Variants in WDR25 observed in about 807,000 individuals in gnomAD.
WDR25 encodes WD repeat domain 25.
WDR25 carries 35 observed loss-of-function variants against 47.7 expected under a neutral mutation model. The observed-to-expected ratio is 0.73, with a 90% CI of 0.56 to 0.97. The LOEUF is 0.97. WDR25 is among the 50% of genes least tolerant of loss of function. The pLI is 0.00. For synonymous variants in WDR25, 248 were observed against 278.9 expected, an observed-to-expected ratio of 0.89 and a Z score of 1.10; for missense variants, 634 against 704.7, an observed-to-expected ratio of 0.90 and a Z score of 1.14.
At chr14:100,453,303 A>T (rs1032049969) in intron 2 of WDR25, among the ~76,000 whole-genome samples, 9 of 152,254 alleles carry the variant, frequency 5.9e-5, no homozygotes, top group African/African-American at 2.2e-4. Flanking sequence ...CTTTCGAGCC[A>T]GAGTGCCTTG....
chr14:100,429,382 G>A (rs181446464), intron 2 of WDR25, among the ~76,000 whole-genome samples: 22 of 152,296 alleles, frequency 1.4e-4, no homozygotes, highest in African/African-American at 5.1e-4. Flanking sequence ...AGAAAGAGGA[G>A]AAGAAGTTGC....
Position 100,382,139 on chromosome 14 carries a change from G to A in WDR25, c.822+393G>A, listed in dbSNP as rs376577969. On this transcript the variant is annotated intron_variant, in intron 2 of 6. Coordinates refer to ENST00000402312, the MANE Select transcript of WDR25 (RefSeq NM_001161476.3). ...GCCTGGTGCTGTGCTGGTTTCAAGG[G>A]CTGTTGGGAGAGGTAGGTAGACCCA... 6 of 702,954 alleles carry A rather than the reference G, an allele frequency of 8.5e-6. No homozygotes were observed. In the African/African-American group the frequency reaches 8.7e-5, roughly 10 times the overall value. The allele number at this position is 702,954 out of a possible 1,614,324, so 43.5% of individuals were successfully genotyped here.
intron 2 of WDR25, among the ~76,000 whole-genome samples, chr14:100,453,253 T>C (rs868802093): frequency 2.0e-5 from 3 of 152,116 alleles, no homozygotes; most frequent in Admixed American, 6.6e-5. Context: ...GTATTGCAGG[T>C]GGGAGGTAGA....
At chr14:100,451,745 G>A (rs1335658415) in intron 2 of WDR25, among the ~76,000 whole-genome samples, 2 of 152,124 alleles carry the variant, frequency 1.3e-5, no homozygotes, top group Admixed American at 1.3e-4. Flanking sequence ...GAGATAAAGA[G>A]GTCATACAGT....
chr14:100,478,115 A>AAACC (rs141134731), intron 3 of WDR25, among the ~76,000 whole-genome samples: 1 of 151,292 alleles, frequency 6.6e-6, no homozygotes, highest in African/African-American at 2.4e-5. Flanking sequence ...AAACAAAACA[A>AAACC]AAACAAACAA....
Position 100,430,397 on chromosome 14 carries a change from G to A in WDR25, c.823-37624G>A, listed in dbSNP as rs768831891. ...TACTGGGGCCATATACCATGAAGCC[G>A]AAATTCCTAGTCTGTTTATTCATAA... On this transcript the variant is annotated intron_variant, in intron 2 of 6. Coordinates refer to ENST00000402312, the MANE Select transcript of WDR25 (RefSeq NM_001161476.3). This position sits in a 1 kb window ranked among gnomAD's most constrained non-coding sequence, Gnocchi z 4.7. Among the ~76,000 whole-genome samples, 2 of 152,154 alleles carry A rather than the reference G, an allele frequency of 1.3e-5. No individual in the cohort carries two copies. Among genetic ancestry groups the A allele is most frequent in the South Asian group, 2.1e-4 (1 of 4,832 alleles).
At chr14:100,438,096 A>T (rs1267143091) in intron 2 of WDR25, among the ~76,000 whole-genome samples, 1 of 152,204 alleles carries the variant, frequency 6.6e-6, no homozygotes, top group Non-Finnish European at 1.5e-5. Context: ...TCTCATGATT[A>T]TGTAAATATT....
intron 2 of WDR25, among the ~76,000 whole-genome samples, chr14:100,387,737 C>G (rs1897050272): frequency 6.6e-6 from 1 of 152,236 alleles, no homozygotes; most frequent in African/African-American, 2.4e-5. Context: ...AGAGCCTGAG[C>G]AGAAAGAGCT....
At chr14:100,487,047 C>T (rs751109444) in intron 4 of WDR25, among the ~76,000 whole-genome samples, 18 of 151,930 alleles carry the variant, frequency 1.2e-4, no homozygotes, top group Non-Finnish European at 1.9e-4. Context: ...TATTTGTATA[C>T]GCAATTTTGT....
chr14:100,429,695 A>C (rs1250389502), intron 2 of WDR25, among the ~76,000 whole-genome samples: 2 of 152,184 alleles, frequency 1.3e-5, no homozygotes, highest in Non-Finnish European at 2.9e-5. Context: ...TCCAAGGTCC[A>C]GGATCAGCCA....
chr14:100,446,915 G>T (rs903794562), intron 2 of WDR25, among the ~76,000 whole-genome samples: 1 of 152,132 alleles, frequency 6.6e-6, no homozygotes. Flanking sequence ...GAAAATTATC[G>T]TCTGTGGCCA....
intron 2 of WDR25, among the ~76,000 whole-genome samples, chr14:100,431,318 C>T (rs1274240861): frequency 6.6e-6 from 1 of 152,048 alleles, no homozygotes. Context: ...CTTTAATTCC[C>T]TAGTTAACCG....
At position 100,436,686 on chromosome 14, in the gene WDR25, G is replaced by T. The variant is rs377742800; in HGVS notation, c.823-31335G>T. Among the ~76,000 whole-genome samples the T allele has an allele frequency of 1.2e-3, 176 of 152,316 alleles. 1 individual carries two copies. The highest frequency in any genetic ancestry group is 4.0e-3 in the African/African-American group (168 of 41,574). ...CACACTGGGGACAAGTGTCCTGTGT[G>T]TCAGTCTCCTGTGTAGCTTGGTTTT... On this transcript the variant is annotated intron_variant, in intron 2 of 6. Transcript: ENST00000402312.
intron 4 of WDR25, among the ~76,000 whole-genome samples, chr14:100,513,419 C>T (rs1489339208): frequency 6.6e-6 from 1 of 152,176 alleles, no homozygotes; most frequent in African/African-American, 2.4e-5. Flanking sequence ...TCTGCTGGCA[C>T]CTCAATCTTG....
At chr14:100,459,101 T>C (rs1899294426) in intron 2 of WDR25, among the ~76,000 whole-genome samples, 1 of 152,168 alleles carries the variant, frequency 6.6e-6, no homozygotes, top group Admixed American at 6.5e-5. Flanking sequence ...AAGTTGGTTC[T>C]TTGAGACCAA....
chr14:100,448,876 C>A (rs990677412), intron 2 of WDR25, among the ~76,000 whole-genome samples: 5 of 151,894 alleles, frequency 3.3e-5, no homozygotes, highest in Non-Finnish European at 5.9e-5. Flanking sequence ...AGGAGTGTCT[C>A]ATGGGAGACA....
intron 4 of WDR25, among the ~76,000 whole-genome samples, chr14:100,524,277 T>G (rs2030004028): frequency 6.6e-6 from 1 of 151,484 alleles, no homozygotes; most frequent in Admixed American, 6.6e-5. Context: ...GGGGCTCTTG[T>G]CATGAGATAA....
intron 5 of WDR25, 150 bp downstream of exon 5, chr14:100,526,190 C>A (rs142247158): frequency 4.0e-6 from 4 of 1,004,040 alleles, no homozygotes; most frequent in African/African-American, 3.3e-5. Flanking sequence ...CTCAGCCTGC[C>A]GCACACATGG....
intron 2 of WDR25, among the ~76,000 whole-genome samples, chr14:100,408,146 G>T (rs763763906): frequency 6.6e-6 from 1 of 152,098 alleles, no homozygotes; most frequent in East Asian, 1.9e-4. Flanking sequence ...GCCATGGAAC[G>T]TGCGTGAAGC....
Sources: allele counts gnomAD v4.1 joint callset (sites outside exome capture counted in the v4.1 genomes callset), GRCh38; gene constraint gnomAD v4.1.1; non-coding constraint Gnocchi (gnomAD v3.1); transcripts MANE v1.5; gene names NCBI Gene and HGNC (gene_info 2026-07-23, HGNC 2026-07-21).